CCDC14: variants seen among roughly 807,000 people sequenced by gnomAD.
CCDC14 encodes coiled-coil domain containing 14.
CCDC14 carries 71 observed loss-of-function variants against 81.4 expected under a neutral mutation model. The ratio of observed to expected loss-of-function variants is 0.87; its 90% CI spans 0.72 to 1.06. The LOEUF is 1.06. Ranked by LOEUF, CCDC14 falls within the 50% of genes least tolerant of loss-of-function variation. The pLI is 0.00. For missense variants in CCDC14, 1,046 were observed against 1,047.3 expected, an observed-to-expected ratio of 1.00 and a Z score of 0.02; for synonymous variants, 332 against 364.8, an observed-to-expected ratio of 0.91 and a Z score of 1.03.
At chr3:123,918,612 G>A (rs1298132264) in intron 12 of CCDC14, among the ~76,000 whole-genome samples, 1 of 152,186 alleles carries the variant, frequency 6.6e-6, no homozygotes, top group African/African-American at 2.4e-5. Context: ...ACCACACAGA[G>A]AGGAGTCCCC....
chr3:123,918,057 T>C (rs1238976507), intron 12 of CCDC14, among the ~76,000 whole-genome samples: 1 of 152,184 alleles, frequency 6.6e-6, no homozygotes, highest in African/African-American at 2.4e-5. Context: ...TACATAAGGT[T>C]ATATTAAGAA....
chr3:123,952,209 C>T (rs2037061321), intron 5 of CCDC14, among the ~76,000 whole-genome samples: 1 of 152,144 alleles, frequency 6.6e-6, no homozygotes, highest in Non-Finnish European at 1.5e-5. Context: ...TTTTCAGTCC[C>T]TGAAGTCTAG....
downstream of CCDC14, among the ~76,000 whole-genome samples, chr3:123,909,445 A>G (rs553156638): frequency 1.1e-4 from 16 of 152,268 alleles, no homozygotes; most frequent in Non-Finnish European, 1.5e-4. Flanking sequence ...TGTCGATGGG[A>G]GAAAAACCCG....
intron 12 of CCDC14, among the ~76,000 whole-genome samples, chr3:123,929,084 C>A (rs566408454): frequency 1.5e-3 from 234 of 152,244 alleles, no homozygotes; most frequent in Non-Finnish European, 2.8e-3. Flanking sequence ...GGAAGGAAAA[C>A]TACCAGAGAA....
the CCDC14 span, among the ~76,000 whole-genome samples, chr3:123,888,919 G>A: frequency 6.6e-6 from 1 of 151,984 alleles, no homozygotes; most frequent in East Asian, 1.9e-4. Context: ...TGCTCACATT[G>A]CAAAATATAA....
chr3:123,912,958 TACTG>T (rs1458247144), downstream of CCDC14, among the ~76,000 whole-genome samples: 1 of 152,194 alleles, frequency 6.6e-6, no homozygotes, highest in Non-Finnish European at 1.5e-5. Context: ...ATTTTGATGA[TACTG>T]ACTTTCTAAG....
chr3:123,927,119 A>G (rs139044182), intron 12 of CCDC14, among the ~76,000 whole-genome samples: 153 of 152,244 alleles, frequency 1.0e-3, no homozygotes, highest in African/African-American at 3.4e-3. Flanking sequence ...GTTTTAATGT[A>G]AAGAACAAAA....
At chr3:123,906,345 A>T (rs985851186) in intron 5 of CCDC14, among the ~76,000 whole-genome samples, 1 of 151,114 alleles carries the variant, frequency 6.6e-6, no homozygotes, top group African/African-American at 2.4e-5. Flanking sequence ...ATAAAAAATT[A>T]AAATAAATAA....
intron 12 of CCDC14, among the ~76,000 whole-genome samples, chr3:123,923,883 A>G (rs2035199026): frequency 6.6e-6 from 1 of 151,736 alleles, no homozygotes; most frequent in African/African-American, 2.4e-5. Flanking sequence ...AATGACCTAC[A>G]AATTCAACAG....
chr3:123,898,114 T>C (rs2034107138), intron 5 of CCDC14, among the ~76,000 whole-genome samples: 1 of 152,248 alleles, frequency 6.6e-6, no homozygotes, highest in African/African-American at 2.4e-5. Flanking sequence ...TAGTTTAGTG[T>C]GAACATCTGA....
intron 9 of CCDC14, among the ~76,000 whole-genome samples, chr3:123,944,546 A>G (rs1168931531): frequency 6.6e-6 from 1 of 152,122 alleles, no homozygotes; most frequent in Non-Finnish European, 1.5e-5. Flanking sequence ...TGAGATTTAG[A>G]AGTTCGTTTC....
At chr3:123,913,421 A>AT (rs1185501748), downstream of CCDC14, 6 of 982,616 alleles carry the variant, frequency 6.1e-6, no homozygotes, top group Non-Finnish European at 7.3e-6. Context: ...AGATGACACA[A>AT]TTTTTTTCCT....
At chr3:123,894,858 C>T (rs1396590496), downstream of CCDC14, among the ~76,000 whole-genome samples, 2 of 152,110 alleles carry the variant, frequency 1.3e-5, no homozygotes, top group African/African-American at 4.8e-5. Context: ...TTTGGAGTCT[C>T]GTTCTAAAAA....
chr3:123,911,419 G>C (rs1559758155), downstream of CCDC14, among the ~76,000 whole-genome samples: 1 of 152,088 alleles, frequency 6.6e-6, no homozygotes, highest in Non-Finnish European at 1.5e-5. Context: ...AACTAACATT[G>C]GAAAAATGAT....
intron 1 of CCDC14, chr3:123,958,492 ATAGT>A (rs1439579142): frequency 1.3e-5 from 2 of 152,152 alleles, no homozygotes; most frequent in African/African-American, 4.8e-5. Flanking sequence ...CTATGAAATA[ATAGT>A]ACAAAGATGC....
In CCDC14 at chr3:123,933,701, T is replaced by A. The variant is rs140280602; in HGVS notation, c.1398A>T (p.Pro466=). 6.3e-7 allele frequency: 1 copy of A among 1,575,388 alleles called. No homozygotes were observed. The highest frequency in any genetic ancestry group is 1.3e-5 in the African/African-American group (1 of 74,530). The change falls in exon 10 of 13, where the codon CCA becomes CCT. Residue 466 remains proline, a synonymous_variant. Transcript: ENST00000409697. ...CAAGGTTGCAATCCACAGCACCAGA[T>A]GGTTTTTGAGTTTTCTGTTGTTCTC... is the stretch of plus-strand genomic sequence containing the variant. ...QLREQQKTQK[P]SGAVDCNLEL...
At chr3:123,952,169 A>G (rs1401887360) in intron 5 of CCDC14, among the ~76,000 whole-genome samples, 1 of 152,204 alleles carries the variant, frequency 6.6e-6, no homozygotes, top group African/African-American at 2.4e-5. Flanking sequence ...TCATGAAAGG[A>G]AAGTATTCAT....
In CCDC14 at chr3:123,931,120, C is replaced by T. The variant is rs563000963; in HGVS notation, c.1760G>A (p.Arg587Gln). The T allele has an allele frequency of 8.8e-6, 14 of 1,587,424 alleles. No individual in the cohort carries two copies. Among genetic ancestry groups the T allele is most frequent in the South Asian group, 2.3e-5 (2 of 85,202 alleles). Residue 587 changes from arginine (R) to glutamine (Q), a missense_variant, in exon 12 of 13, where the codon CGA (arginine) becomes CAA (glutamine). Coordinates refer to ENST00000409697, the MANE Select transcript of CCDC14 (RefSeq NM_001366335.1). ...TLRQRDAEVT[R>Q]LRELTRTLQT... ...ATTTTACCTGGTTAATTCTCTTAGT[C>T]GAGTCACCTCAGCATCACGCTGACG...
intron 5 of CCDC14, chr3:123,952,867 T>C (rs1246679624): frequency 9.5e-6 from 2 of 210,858 alleles, no homozygotes; most frequent in African/African-American, 2.3e-5. Context: ...CAAAGCAAAA[T>C]CTTGTATTAT....
Sources: allele counts gnomAD v4.1 joint callset (sites outside exome capture counted in the v4.1 genomes callset), GRCh38; gene constraint gnomAD v4.1.1; transcripts MANE v1.5; gene names NCBI Gene and HGNC (gene_info 2026-07-23, HGNC 2026-07-21).